Variants in VEGFC observed in about 807,000 individuals in gnomAD.
VEGFC encodes the protein FLT4 ligand DHM.
In VEGFC, 12 loss-of-function variants were observed where a neutral mutation model predicts 46.1. The observed-to-expected ratio is 0.26, with a 90% confidence interval of 0.17 to 0.42. The LOEUF (loss-of-function observed/expected upper bound fraction) is 0.42, where lower values mean the gene tolerates loss of function less well. Ranked by LOEUF, VEGFC falls within the 10% of genes least tolerant of loss-of-function variation. The pLI, the probability that VEGFC is intolerant of heterozygous loss-of-function variation, is 1.00. For synonymous variants in VEGFC, 232 were observed against 195.5 expected (o/e 1.19, Z -1.56); for missense variants, 488 against 529.4 (o/e 0.92, Z 0.77).
At chr4:176,722,798 C>T (rs144317098) in intron 3 of VEGFC, among the ~76,000 whole-genome samples, 1 of 152,100 alleles carries the variant, frequency 6.6e-6, no homozygotes, top group Non-Finnish European at 1.5e-5. Context: ...CAGTGCCCAG[C>T]GAAGCCTTGC....
intron 1 of VEGFC, among the ~76,000 whole-genome samples, chr4:176,741,703 AG>A (rs1735177768): frequency 6.6e-6 from 1 of 151,992 alleles, no homozygotes; most frequent in Admixed American, 6.6e-5. Flanking sequence ...ACTGTTCATT[AG>A]AAAAAAGAAA....
intron 3 of VEGFC, among the ~76,000 whole-genome samples, chr4:176,723,854 G>C (rs1734831064): frequency 6.7e-6 from 1 of 149,526 alleles, no homozygotes; most frequent in African/African-American, 2.5e-5. Context: ...TTTTAGGTTT[G>C]GGGGTCCATG....
At chr4:176,704,909 T>G (rs1476294036) in intron 4 of VEGFC, among the ~76,000 whole-genome samples, 1 of 152,150 alleles carries the variant, frequency 6.6e-6, no homozygotes, top group African/African-American at 2.4e-5. Context: ...TATGTTTACA[T>G]GTCTGGTTCA....
rs543138972 is a variant in VEGFC at position 176,693,818 on chromosome 4, A to G, written c.705-5891T>C. ...ACAAGCCAGAAGAGAGTGGGGGCCA[A>G]TATTCAACATTCTTAAAGAAAAGAA... On this transcript the variant is annotated intron_variant, in intron 4 of 6. Coordinates refer to ENST00000618562, the MANE Select transcript of VEGFC (RefSeq NM_005429.5). Among the ~76,000 whole-genome samples, 4 of 146,444 alleles carry G rather than the reference A, an allele frequency of 2.7e-5. No homozygotes were observed. The South Asian group carries it at 6.3e-4, about 23-fold the overall frequency.
intron 1 of VEGFC, among the ~76,000 whole-genome samples, chr4:176,785,975 G>C (rs1403692482): frequency 1.9e-5 from 2 of 105,512 alleles, no homozygotes; most frequent in Non-Finnish European, 4.6e-5. Flanking sequence ...GGTGCCTACA[G>C]TAAGTCAAAA....
chr4:176,752,413 GACA>G (rs1277124291), intron 1 of VEGFC, among the ~76,000 whole-genome samples: 2 of 152,050 alleles, frequency 1.3e-5, no homozygotes, highest in East Asian at 1.9e-4. Context: ...GTGTAATAGA[GACA>G]ACAACTTTTG....
rs192540252 is a variant in VEGFC, at chr4:176,720,207, C to G, written c.552+7571G>C. ...CTTTCCCTTGGTACTGATGTTTGCTCTTCTCTTGTGATACATCAATACCCT... is the reference window on the plus strand; with the variant it reads ...CTTTCCCTTGGTACTGATGTTTGCTGTTCTCTTGTGATACATCAATACCCT... On this transcript the variant is annotated intron_variant, in intron 3 of 6. Transcript: ENST00000618562. Among the ~76,000 whole-genome samples the G allele has an allele frequency of 2.4e-3, 358 of 152,236 alleles. 3 individuals are homozygous for G. Among genetic ancestry groups the G allele is most frequent in the African/African-American group, 8.2e-3 (342 of 41,546 alleles).
chr4:176,724,862 G>A lies in VEGFC; in HGVS notation c.552+2916C>T, dbSNP rs77030225. Among the ~76,000 whole-genome samples, 246 of 152,238 alleles carry A rather than the reference G, an allele frequency of 1.6e-3. 1 individual carries two copies. The highest frequency in any genetic ancestry group is 5.8e-3 in the African/African-American group (241 of 41,546). The stretch of plus-strand genomic sequence containing the variant: ...GTTCTCATTTATGTGGGAGCTAAAC[G>A]AGTGGATCTCATGGAAGTAGAGAGA... On this transcript the variant is annotated intron_variant, in intron 3 of 6. Transcript: ENST00000618562.
intron 3 of VEGFC, among the ~76,000 whole-genome samples, chr4:176,712,167 A>G (rs1734631071): frequency 6.6e-6 from 1 of 152,172 alleles, no homozygotes; most frequent in African/African-American, 2.4e-5. Flanking sequence ...TTAAATTTCT[A>G]CCTCAATGTA....
intron 3 of VEGFC, among the ~76,000 whole-genome samples, chr4:176,724,426 G>A (rs567427581): frequency 3.0e-4 from 45 of 152,322 alleles, no homozygotes; most frequent in African/African-American, 1.1e-3. Flanking sequence ...GGAGGAGGGA[G>A]ACATTAATCA....
At chr4:176,781,522 T>A (rs1391126220) in intron 1 of VEGFC, among the ~76,000 whole-genome samples, 1 of 152,220 alleles carries the variant, frequency 6.6e-6, no homozygotes, top group East Asian at 1.9e-4. Flanking sequence ...GTATCTGATA[T>A]CAACTAGCTA....
In VEGFC at chr4:176,683,672, A is replaced by G. The variant is rs1733982534; in HGVS notation, c.*254T>C. 3.3e-6 allele frequency: 1 copy of G among 303,434 alleles called. No individual in the cohort carries two copies. Among genetic ancestry groups the G allele is most frequent in the East Asian group, 5.6e-5 (1 of 17,820 alleles). 18.8% of individuals were successfully genotyped at this position (303,434 alleles called of 1,614,324 possible). A position where few individuals can be genotyped will look rare whatever the true frequency, so the allele number is the denominator to read the frequency against. ...TATTTTTAGTGGAAATAAATTATAT[A>G]GTCATTCTTTTAAAGAAATCACAAG... On this transcript the variant is annotated 3_prime_UTR_variant, in exon 7 of 7. Transcript: ENST00000618562.
intron 1 of VEGFC, among the ~76,000 whole-genome samples, chr4:176,785,034 A>AG (rs1486377251): frequency 1.3e-5 from 2 of 152,030 alleles, no homozygotes; most frequent in African/African-American, 2.4e-5. Context: ...TGACTGAAAC[A>AG]AGCAGAAATA....
At chr4:176,723,220 C>G (rs1450555433) in intron 3 of VEGFC, among the ~76,000 whole-genome samples, 1 of 151,974 alleles carries the variant, frequency 6.6e-6, no homozygotes, top group African/African-American at 2.4e-5. Context: ...GTAAGAGAAA[C>G]AGATATCTAT....
intron 1 of VEGFC, among the ~76,000 whole-genome samples, chr4:176,766,213 T>G (rs1269113876): frequency 6.6e-6 from 1 of 152,160 alleles, no homozygotes; most frequent in Non-Finnish European, 1.5e-5. Flanking sequence ...CCAAATCAAT[T>G]TTTAGATTCA....
intron 1 of VEGFC, among the ~76,000 whole-genome samples, chr4:176,734,969 A>G (rs182133259): frequency 1.1e-3 from 173 of 151,852 alleles, no homozygotes; most frequent in Middle Eastern, 6.8e-3. Context: ...TTTACCTTCA[A>G]TGACTGGCAA....
chr4:176,727,511 G>A (rs1163544034), intron 3 of VEGFC, among the ~76,000 whole-genome samples: 4 of 152,078 alleles, frequency 2.6e-5, no homozygotes, highest in Admixed American at 2.0e-4. Flanking sequence ...ACATACATAC[G>A]TATATTTATT....
chr4:176,707,167 T>C (rs1012199224), intron 4 of VEGFC, among the ~76,000 whole-genome samples: 11 of 152,206 alleles, frequency 7.2e-5, no homozygotes, highest in African/African-American at 2.7e-4. Flanking sequence ...TGTTTCCAGT[T>C]ATTGACTAAT....
chr4:176,767,423 T>C (rs755426767), intron 1 of VEGFC, among the ~76,000 whole-genome samples: 40 of 152,234 alleles, frequency 2.6e-4, no homozygotes, highest in Non-Finnish European at 2.8e-4. Context: ...TGCCTCACCA[T>C]AGTGAGAGAA....
Sources: gnomAD v4.1 joint callset for allele counts (sites outside exome capture counted in the v4.1 genomes callset) on GRCh38, gnomAD v4.1.1 for gene constraint, MANE v1.5 for transcripts, NCBI Gene and HGNC (gene_info 2026-07-23, HGNC 2026-07-21) for gene names.